Variants in TAFA5 observed in about 807,000 individuals in gnomAD.
TAFA5 encodes chemokine-like protein TAFA-5.
Under a neutral mutation model 15.3 loss-of-function variants are expected in TAFA5, and 6 were observed. The ratio of observed to expected loss-of-function variants is 0.39; its 90% CI spans 0.21 to 0.77. TAFA5 has a LOEUF of 0.77. Among genes scored for constraint, TAFA5 ranks in the 30% least tolerant of loss-of-function variants. The pLI is 0.41. For synonymous variants in TAFA5, 103 were observed against 80.7 expected (o/e 1.28, Z -1.48); for missense variants, 161 against 193.1 (o/e 0.83, Z 0.98).
intron 1 of TAFA5, among the ~76,000 whole-genome samples, chr22:48,631,915 G>A (rs1601628868): frequency 6.6e-6 from 1 of 152,286 alleles, no homozygotes; most frequent in African/African-American, 2.4e-5. Context: ...CTGAGCCCCA[G>A]CCCCTGTAAA....
At chr22:48,547,190 T>G (rs1922704646) in intron 1 of TAFA5, 1 of 152,316 alleles carries the variant, frequency 6.6e-6, no homozygotes, top group Admixed American at 6.5e-5. Context: ...GCCCAACCAC[T>G]TACGGGAAGA....
At chr22:48,649,762 C>T (rs1026873616) in intron 2 of TAFA5, among the ~76,000 whole-genome samples, 1 of 152,156 alleles carries the variant, frequency 6.6e-6, no homozygotes, top group Non-Finnish European at 1.5e-5. Flanking sequence ...TGATGCGTCT[C>T]AAGACTGGGA....
At chr22:48,576,632 G>A (rs1481720796) in intron 1 of TAFA5, 9 of 1,301,142 alleles carry the variant, frequency 6.9e-6, no homozygotes, top group African/African-American at 4.6e-5. Context: ...CGGCGGCTCC[G>A]GCGCCCGACC....
At chr22:48,509,945 T>G (rs1921148851) in intron 1 of TAFA5, among the ~76,000 whole-genome samples, 2 of 126,884 alleles carry the variant, frequency 1.6e-5, no homozygotes, top group Admixed American at 8.2e-5. Context: ...AGTGAGAATC[T>G]GTCTCAAAAA....
chr22:48,656,563 C>T (rs1489888121), intron 2 of TAFA5, among the ~76,000 whole-genome samples: 1 of 151,208 alleles, frequency 6.6e-6, no homozygotes, highest in Admixed American at 6.6e-5. Context: ...TATACTGAAA[C>T]CAAAAATATC....
chr22:48,529,685 T>G (rs1921909069), intron 1 of TAFA5, among the ~76,000 whole-genome samples: 1 of 145,132 alleles, frequency 6.9e-6, no homozygotes, highest in African/African-American at 2.6e-5. Context: ...GAGATGGGGG[T>G]GTCCAGGTGG....
intron 3 of TAFA5, among the ~76,000 whole-genome samples, chr22:48,717,207 C>T (rs567136534): frequency 2.6e-5 from 4 of 152,354 alleles, no homozygotes; most frequent in South Asian, 2.1e-4. Flanking sequence ...GCAGCGTCGT[C>T]GGGTTCTCAG....
intron 1 of TAFA5, among the ~76,000 whole-genome samples, chr22:48,621,714 A>G (rs1022578344): frequency 6.6e-6 from 1 of 152,188 alleles, no homozygotes; most frequent in African/African-American, 2.4e-5. Flanking sequence ...GAAGGGAGCA[A>G]GGCAGGGTGT....
In TAFA5 at chr22:48,750,138, T is replaced by C; in HGVS notation, c.*291T>C. 1 of 498,346 alleles carries C rather than the reference T, an allele frequency of 2.0e-6. No homozygotes were observed. The allele number at this position is 498,346 out of a possible 1,614,324, so 30.9% of individuals were successfully genotyped here. Reference sequence around the variant, plus strand: ...GCCCAGCCCCCGCCGACCGTGGCGTTGGCCCTGCTGTCCTCAGAGGAGGAG... The same window carrying C: ...GCCCAGCCCCCGCCGACCGTGGCGTCGGCCCTGCTGTCCTCAGAGGAGGAG... On this transcript the variant is annotated 3_prime_UTR_variant, in exon 4 of 4. Transcript: ENST00000402357.
At chr22:48,580,440 C>T (rs147098744) in intron 1 of TAFA5, among the ~76,000 whole-genome samples, 208 of 152,320 alleles carry the variant, frequency 1.4e-3, no homozygotes, top group African/African-American at 4.9e-3. Context: ...CAGTTCCCGG[C>T]CCTAAGACTC....
intron 1 of TAFA5, among the ~76,000 whole-genome samples, chr22:48,564,103 C>T (rs939595534): frequency 4.6e-5 from 7 of 152,236 alleles, no homozygotes; most frequent in Non-Finnish European, 1.0e-4. Context: ...GCGGGGAGTG[C>T]GGTCCACAAA....
chr22:48,597,719 A>G (rs1348338190), intron 1 of TAFA5, among the ~76,000 whole-genome samples: 1 of 152,212 alleles, frequency 6.6e-6, no homozygotes, highest in Non-Finnish European at 1.5e-5. Context: ...CATGCCCTTC[A>G]TTGTCATCCT....
rs6008760 is a variant in TAFA5 at position 48,566,905 on chromosome 22, C to A, written c.112+77201C>A. ...GTGGTTTCATGATTTACGCCTGGGG[C>A]CGTCAGTGGGTTGGGTTTGTCCTTT... is the stretch of plus-strand genomic sequence containing the variant. On this transcript the variant is annotated intron_variant, in intron 1 of 3. Transcript: ENST00000402357. The surrounding 1 kb of genome is among the most constrained non-coding windows in gnomAD (Gnocchi z 4.5). 0.5 allele frequency among the ~76,000 whole-genome samples: 76,032 copies of A among 151,986 alleles called. 21,400 individuals carry two copies. Among genetic ancestry groups the A allele is most frequent in the African/African-American group, 0.76 (31,539 of 41,462 alleles).
intron 1 of TAFA5, among the ~76,000 whole-genome samples, chr22:48,578,872 C>G (rs537623260): frequency 2.6e-5 from 4 of 152,128 alleles, no homozygotes; most frequent in South Asian, 2.1e-4. Context: ...GGGGGGTGGC[C>G]GACTCTGGTT....
chr22:48,547,485 T>TG (rs1459631231), intron 1 of TAFA5: 4 of 152,182 alleles, frequency 2.6e-5, no homozygotes, highest in African/African-American at 9.7e-5. Flanking sequence ...GCCCCCATAC[T>TG]GGGTGAGAGA....
chr22:48,545,451 G>A (rs1167907610), intron 1 of TAFA5: 2 of 168,944 alleles, frequency 1.2e-5, no homozygotes, highest in Admixed American at 5.5e-5. Flanking sequence ...GGATAGCGCA[G>A]CACACAGTAG....
At chr22:48,536,884 G>A (rs1051202357) in intron 1 of TAFA5, among the ~76,000 whole-genome samples, 15 of 152,168 alleles carry the variant, frequency 9.9e-5, no homozygotes, top group African/African-American at 2.4e-5. Context: ...GGCAGCCCCC[G>A]GACACCCTGG....
rs1320735585 is a variant in TAFA5 at position 48,729,273 on chromosome 22, A to ATTTATAAATATATAATAATTTTATATTTC, written c.391-20538_391-20537insCTTTATAAATATATAATAATTTTATATTT. 2.9e-5 allele frequency among the ~76,000 whole-genome samples: 4 copies of ATTTATAAATATATAATAATTTTATATTTC among 139,034 alleles called. No individual in the cohort carries two copies. In the East Asian group the frequency reaches 7.9e-4, roughly 27 times the overall value. 91.2% of individuals were successfully genotyped at this position (139,034 alleles called of 152,430 possible). A position where few individuals can be genotyped will look rare whatever the true frequency, so the allele number is the denominator to read the frequency against. ...ATAAATATATAATAATTTTATATTTATTTATAAATATATAATAATTTTATA... is the reference window on the plus strand; with the variant it reads ...ATAAATATATAATAATTTTATATTTATTTATAAATATATAATAATTTTATATTTCTTTATAAATATATAATAATTTTATA... On this transcript the variant is annotated intron_variant, in intron 3 of 3. Transcript: ENST00000402357.
chr22:48,508,501 G>A (rs1294314322), intron 1 of TAFA5, among the ~76,000 whole-genome samples: 10 of 152,130 alleles, frequency 6.6e-5, no homozygotes, highest in South Asian at 2.1e-4. Flanking sequence ...GGCGGTGGGC[G>A]CCCTGAGGCT....
Sources: gnomAD v4.1 joint callset for allele counts (sites outside exome capture counted in the v4.1 genomes callset) on GRCh38, gnomAD v4.1.1 for gene constraint, Gnocchi (gnomAD v3.1) non-coding constraint, MANE v1.5 for transcripts, NCBI Gene and HGNC (gene_info 2026-07-23, HGNC 2026-07-21) for gene names.